MAML2: variants seen among roughly 807,000 people sequenced by gnomAD.
MAML2 encodes the protein mastermind-like protein 2.
Under a neutral mutation model 96.1 loss-of-function variants are expected in MAML2, and 22 were observed. The observed-to-expected ratio is 0.23, with a 90% CI of 0.16 to 0.33. The LOEUF is 0.33. MAML2 is among the 10% of genes least tolerant of loss of function. MAML2 has a pLI of 1.00. For missense variants in MAML2, 1,367 were observed against 1,392.4 expected, an observed-to-expected ratio of 0.98 and a Z score of 0.29; for synonymous variants, 561 against 521.3, an observed-to-expected ratio of 1.08 and a Z score of -1.04.
intron 2 of MAML2, among the ~76,000 whole-genome samples, chr11:96,042,506 C>G (rs530020485): frequency 3.3e-5 from 5 of 150,602 alleles, no homozygotes; most frequent in African/African-American, 5.0e-5. Context: ...CAAACCCATA[C>G]GTAACCATGT....
At chr11:96,283,395 C>G (rs1565272696) in intron 1 of MAML2, among the ~76,000 whole-genome samples, 1 of 152,174 alleles carries the variant, frequency 6.6e-6, no homozygotes, top group African/African-American at 2.4e-5. Flanking sequence ...TATTAGAACA[C>G]TTGACATGGG....
At chr11:96,178,803 C>T (rs1275235645) in intron 1 of MAML2, among the ~76,000 whole-genome samples, 2 of 152,250 alleles carry the variant, frequency 1.3e-5, no homozygotes, top group South Asian at 2.1e-4. Flanking sequence ...AACTTGAACA[C>T]GGATTAGATG....
chr11:96,180,016 C>T (rs574141192), intron 1 of MAML2, among the ~76,000 whole-genome samples: 1 of 152,314 alleles, frequency 6.6e-6, no homozygotes, highest in African/African-American at 2.4e-5. Flanking sequence ...AAAATCTATT[C>T]TCAAGGTCCA....
At chr11:96,211,529 T>C (rs1861971637) in intron 1 of MAML2, among the ~76,000 whole-genome samples, 1 of 151,472 alleles carries the variant, frequency 6.6e-6, no homozygotes, top group Non-Finnish European at 1.5e-5. Flanking sequence ...AAAGATATCA[T>C]AATATAAAAA....
Position 95,979,807 on chromosome 11 carries a change from C to A in MAML2, c.2612G>T (p.Gly871Val). The part of the protein sequence containing the change: ...STAVQNMGMY[G>V]NLPCNQPNTY... Reference sequence around the variant, plus strand: ...GTTAGGTTGATTACAAGGCAGATTTCCATACATCCCCATATTCTGAACTGC... The same window carrying A: ...GTTAGGTTGATTACAAGGCAGATTTACATACATCCCCATATTCTGAACTGC... The change falls in exon 5 of 5, where the codon GGA becomes GTA. Residue 871 changes from glycine (G) to valine (V), a missense_variant. By Grantham distance (109) the Gly-to-Val change is moderately radical (BLOSUM62 -3). Transcript: ENST00000524717. 6.2e-7 allele frequency: 1 copy of A among 1,613,912 alleles called. No homozygotes were observed. Among genetic ancestry groups the A allele is most frequent in the Middle Eastern group, 1.6e-4 (1 of 6,062 alleles).
rs143700056 is a variant in MAML2, at chr11:96,018,878, G to A, written c.2140-27155C>T. 1.4e-3 allele frequency among the ~76,000 whole-genome samples: 219 copies of A among 152,292 alleles called. 1 individual carries two copies. The highest frequency in any genetic ancestry group is 5.2e-3 in the African/African-American group (215 of 41,564). On this transcript the variant is annotated intron_variant, in intron 2 of 4. Transcript: ENST00000524717. ...TGCTGGGATTACTGGTGTGAGCCACGGCGCCTGGCTGAGAGTTAAGAATTG... is the reference window on the plus strand; with the variant it reads ...TGCTGGGATTACTGGTGTGAGCCACAGCGCCTGGCTGAGAGTTAAGAATTG...
intron 1 of MAML2, among the ~76,000 whole-genome samples, chr11:96,311,185 T>C (rs563920274): frequency 1.3e-5 from 2 of 152,344 alleles, no homozygotes; most frequent in East Asian, 3.9e-4. Flanking sequence ...ACCACTTTAT[T>C]ATGTTTCACT....
At chr11:95,980,109 G>A (rs1207372168) in intron 4 of MAML2, 146 bp from the exon 5 acceptor site, 7 of 674,612 alleles carry the variant, frequency 1.0e-5, no homozygotes, top group South Asian at 2.0e-5. Context: ...TATATAAAAG[G>A]AACAAGACAG....
chr11:96,277,535 T>C (rs1356526997), intron 1 of MAML2, among the ~76,000 whole-genome samples: 1 of 152,048 alleles, frequency 6.6e-6, no homozygotes, highest in Non-Finnish European at 1.5e-5. Flanking sequence ...GTGGATCACC[T>C]GAGATCAGGA....
intron 3 of MAML2, among the ~76,000 whole-genome samples, chr11:95,987,449 A>G (rs904570053): frequency 6.6e-6 from 1 of 152,172 alleles, no homozygotes; most frequent in East Asian, 1.9e-4. Flanking sequence ...GCAATTTTGT[A>G]TGCATCCCAA....
chr11:96,202,752 C>T (rs1172807484), intron 1 of MAML2, among the ~76,000 whole-genome samples: 1 of 152,016 alleles, frequency 6.6e-6, no homozygotes. Flanking sequence ...CCTTAGCCTC[C>T]CGAGTAGCTG....
chr11:96,067,004 C>T (rs1859255062), intron 2 of MAML2, among the ~76,000 whole-genome samples: 2 of 152,148 alleles, frequency 1.3e-5, no homozygotes, highest in Non-Finnish European at 2.9e-5. Context: ...TGTGTGTGCA[C>T]ACGCATGCAT....
intron 1 of MAML2, among the ~76,000 whole-genome samples, chr11:96,189,592 C>T (rs1165290599): frequency 1.3e-5 from 2 of 152,222 alleles, no homozygotes; most frequent in African/African-American, 4.8e-5. Context: ...ATCTGTTTTT[C>T]TTCTGACAGA....
intron 1 of MAML2, among the ~76,000 whole-genome samples, chr11:96,162,314 C>T (rs1861122107): frequency 6.9e-6 from 1 of 145,394 alleles, no homozygotes; most frequent in Non-Finnish European, 1.5e-5. Context: ...TGGTACAAAA[C>T]AAAGCATTTT....
At chr11:96,195,527 C>A (rs778512788) in intron 1 of MAML2, among the ~76,000 whole-genome samples, 2 of 152,186 alleles carry the variant, frequency 1.3e-5, no homozygotes, top group African/African-American at 2.4e-5. Flanking sequence ...AATATAAATT[C>A]TCTGTGCCTT....
intron 1 of MAML2, among the ~76,000 whole-genome samples, chr11:96,105,618 C>T (rs1249121354): frequency 6.6e-6 from 1 of 152,154 alleles, no homozygotes; most frequent in Non-Finnish European, 1.5e-5. Context: ...TGTCATCATT[C>T]TTTTGAAAGT....
chr11:96,289,108 C>T (rs1863178041), intron 1 of MAML2, among the ~76,000 whole-genome samples: 2 of 152,098 alleles, frequency 1.3e-5, no homozygotes, highest in South Asian at 4.1e-4. Flanking sequence ...CATGAAATGA[C>T]AGAATGATAG....
chr11:96,101,553 CT>C (rs1357355809), intron 1 of MAML2, among the ~76,000 whole-genome samples: 2 of 152,236 alleles, frequency 1.3e-5, no homozygotes, highest in Non-Finnish European at 2.9e-5. Context: ...TTCCTACTTA[CT>C]GTACAAGTCT....
rs1242762178 is a variant in MAML2, at chr11:96,341,950, T to A, written c.-55A>T. The A allele has an allele frequency of 2.1e-6, 3 of 1,442,580 alleles. No homozygotes were observed. The highest frequency in any genetic ancestry group is 9.1e-7 in the Non-Finnish European group (1 of 1,099,054). The allele number at this position is 1,442,580 out of a possible 1,614,324, so 89.4% of individuals were successfully genotyped here. ...GGATGGTGAGGTGGAAAGAGGCTAC[T>A]GCTGGCTATTGCAGGCAAGTCTGTT... On this transcript the variant is annotated 5_prime_UTR_variant, in exon 1 of 5. Transcript: ENST00000524717.
Sources: allele counts gnomAD v4.1 joint callset (sites outside exome capture counted in the v4.1 genomes callset), GRCh38; gene constraint gnomAD v4.1.1; transcripts MANE v1.5; gene names NCBI Gene and HGNC (gene_info 2026-07-23, HGNC 2026-07-21).